Variants in LY6E observed in about 807,000 individuals in gnomAD.
LY6E encodes lymphocyte antigen 6 family member E.
LY6E carries 4 observed loss-of-function variants against 7.7 expected under a neutral mutation model. That is an observed-to-expected ratio of 0.52 (90% CI 0.25 to 1.18). The LOEUF (loss-of-function observed/expected upper bound fraction) is 1.18. Among genes scored for constraint, LY6E ranks in the 50% most tolerant of loss-of-function variants. LY6E has a pLI of 0.14. For synonymous variants in LY6E, 81 were observed against 80.1 expected, an observed-to-expected ratio of 1.01 and a Z score of -0.06; for missense variants, 156 against 168.0, an observed-to-expected ratio of 0.93 and a Z score of 0.40.
intron 1 of LY6E, 27 bp downstream of exon 1, chr8:143,018,613 C>G (rs1819128979): frequency 6.7e-6 from 1 of 149,536 alleles, no homozygotes; most frequent in Non-Finnish European, 1.5e-5. Flanking sequence ...CCGGCCGGGA[C>G]GCCCCCGCCA....
In LY6E at chr8:143,022,106, C is replaced by G. The variant is rs966372074; in HGVS notation, c.*317C>G. 2.0e-6 allele frequency: 1 copy of G among 488,252 alleles called. No homozygotes were observed. Among genetic ancestry groups the G allele is most frequent in the Non-Finnish European group, 3.6e-6 (1 of 274,978 alleles). 30.2% of individuals were successfully genotyped at this position (488,252 alleles called of 1,614,324 possible). On this transcript the variant is annotated 3_prime_UTR_variant, in exon 4 of 4. Transcript: ENST00000292494. ...ATGCTGACAGGGTCCCCAGGGAGAC[C>G]GTGTCAGTAGGGATGTGTGCCTGGC...
chr8:143,019,731 C>T (rs776232851), intron 1 of LY6E, among the ~76,000 whole-genome samples: 2 of 152,226 alleles, frequency 1.3e-5, no homozygotes, highest in African/African-American at 2.4e-5. Context: ...TTCTCTGAGG[C>T]ATCCTCCTTA....
intron 3 of LY6E, 59 bp from the exon 4 acceptor site, chr8:143,021,507 C>G: frequency 6.2e-7 from 1 of 1,612,546 alleles, no homozygotes; most frequent in African/African-American, 1.3e-5. Flanking sequence ...TCAGCAGAGG[C>G]CATTGCTGTC....
rs780149050 is a variant in LY6E, at chr8:143,021,665, G to C, written c.272G>C (p.Ser91Thr). ...VNVGVASMGI[S>T]CCQSFLCNFS... is the part of the protein sequence containing the mutation. Reference sequence around the variant, plus strand: ...GTTGGTGTGGCTTCCATGGGCATCAGCTGCTGCCAGAGCTTTCTGTGCAAT... The same window carrying C: ...GTTGGTGTGGCTTCCATGGGCATCACCTGCTGCCAGAGCTTTCTGTGCAAT... Residue 91 changes from serine to threonine, a missense_variant, in exon 4 of 4, where the codon AGC (serine) becomes ACC (threonine). By Grantham distance (58) the Ser-to-Thr change is moderately conservative. Coordinates refer to ENST00000292494, the MANE Select transcript of LY6E (RefSeq NM_002346.3). 35 of 1,613,704 alleles carry C rather than the reference G, an allele frequency of 2.2e-5. No homozygotes were observed. The East Asian group carries it at 7.8e-4, about 36-fold the overall frequency.
In LY6E at chr8:143,020,891, A is replaced by C; in HGVS notation, c.-49A>C. 1 of 1,575,806 alleles carries C rather than the reference A, an allele frequency of 6.3e-7. No homozygotes were observed. Among genetic ancestry groups the C allele is most frequent in the Non-Finnish European group, 8.7e-7 (1 of 1,147,172 alleles). On this transcript the variant is annotated 5_prime_UTR_variant, in exon 2 of 4. Coordinates refer to ENST00000292494, the MANE Select transcript of LY6E (RefSeq NM_002346.3). Reference sequence around the variant, plus strand: ...CCAGTGTGTCTCTCCAGAGCAGGACAGGCTGCTTTGGTTTGTGACCTCCAG... The same window carrying C: ...CCAGTGTGTCTCTCCAGAGCAGGACCGGCTGCTTTGGTTTGTGACCTCCAG...
chr8:143,021,869 C>T lies in LY6E; in HGVS notation c.*80C>T. 7.7e-7 allele frequency: 1 copy of T among 1,304,546 alleles called. No homozygotes were observed. Among genetic ancestry groups the T allele is most frequent in the Non-Finnish European group, 1.0e-6 (1 of 956,110 alleles). The allele number at this position is 1,304,546 out of a possible 1,614,324, so 80.8% of individuals were successfully genotyped here. A position where few individuals can be genotyped will look rare whatever the true frequency, so the allele number is the denominator to read the frequency against. On this transcript the variant is annotated 3_prime_UTR_variant, in exon 4 of 4. Transcript: ENST00000292494. ...TCTGGATCCCACAGTGTATGGGAGC[C>T]CCTGACTCCTCACGTGCCTGATCTG...
intron 1 of LY6E, among the ~76,000 whole-genome samples, chr8:143,019,701 C>T (rs1200747787): frequency 6.6e-6 from 1 of 152,208 alleles, no homozygotes; most frequent in African/African-American, 2.4e-5. Context: ...AGGGCCTCTG[C>T]GGGCCCCTCT....
rs151103204 is a variant in LY6E at position 143,021,712 on chromosome 8, C to G, written c.319C>G (p.Leu107Val). ...CAATTTCAGTGCGGCCGATGGCGGG[C>G]TGCGGGCAAGCGTCACCCTGCTGGG... is the stretch of plus-strand genomic sequence containing the variant. ...LCNFSAADGG[L>V]RASVTLLGAG... Residue 107 changes from leucine (L) to valine (V), a missense_variant, in exon 4 of 4, where the codon CTG becomes GTG. Transcript: ENST00000292494. The G allele has an allele frequency of 6.2e-6, 10 of 1,613,334 alleles. No individual in the cohort carries two copies. The African/African-American group carries it at 1.2e-4, about 19-fold the overall frequency.
rs530982606 is a variant in LY6E, at chr8:143,021,073, C to T, written c.52+82C>T. On this transcript the variant is annotated intron_variant, in intron 2 of 3. Coordinates refer to ENST00000292494, the MANE Select transcript of LY6E (RefSeq NM_002346.3). Reference sequence around the variant, plus strand: ...TCTCCACCCCTCTCCCCTGAGCAGACGCCCCAGGGGTCCTTCCAGGCCGCT... The same window carrying T: ...TCTCCACCCCTCTCCCCTGAGCAGATGCCCCAGGGGTCCTTCCAGGCCGCT... 8.7e-4 allele frequency: 1,316 copies of T among 1,507,196 alleles called. 6 individuals are homozygous for T. The highest frequency in any genetic ancestry group is 4.1e-3 in the South Asian group (348 of 85,386). 93.4% of individuals were successfully genotyped at this position (1,507,196 alleles called of 1,614,324 possible).
At chr8:143,021,078 C>A in intron 2 of LY6E, 87 bp downstream of exon 2, 1 of 1,464,090 alleles carries the variant, frequency 6.8e-7, no homozygotes, top group South Asian at 1.2e-5. Flanking sequence ...GCAGACGCCC[C>A]AGGGGTCCTT....
In LY6E at chr8:143,021,650, C is replaced by T. The variant is rs1295447832; in HGVS notation, c.257C>T (p.Ala86Val). 3 of 1,613,934 alleles carry T rather than the reference C, an allele frequency of 1.9e-6. No individual in the cohort carries two copies. Among genetic ancestry groups the T allele is most frequent in the Non-Finnish European group, 2.5e-6 (3 of 1,180,024 alleles). The change falls in exon 4 of 4, where the codon GCT (alanine) becomes GTT (valine). Residue 86 changes from alanine (A) to valine (V), a missense_variant. Transcript: ENST00000292494. ...PIPEGVNVGV[A>V]SMGISCCQSF... ...CCAGAAGGCGTCAATGTTGGTGTGGCTTCCATGGGCATCAGCTGCTGCCAG... is the reference window on the plus strand; with the variant it reads ...CCAGAAGGCGTCAATGTTGGTGTGGTTTCCATGGGCATCAGCTGCTGCCAG...
Position 143,021,977 on chromosome 8 carries a change from C to T in LY6E, c.*188C>T. The T allele has an allele frequency of 1.6e-6, 1 of 609,692 alleles. No homozygotes were observed. Among genetic ancestry groups the T allele is most frequent in the East Asian group, 2.8e-5 (1 of 36,120 alleles). The allele number at this position is 609,692 out of a possible 1,614,324, so 37.8% of individuals were successfully genotyped here. A position where few individuals can be genotyped will look rare whatever the true frequency, so the allele number is the denominator to read the frequency against. ...CTCTGCCCCAAGTGGGGCCAGCTGC[C>T]CTCACTTCTGGGGTGGATGATGTGA... On this transcript the variant is annotated 3_prime_UTR_variant, in exon 4 of 4. Coordinates refer to ENST00000292494, the MANE Select transcript of LY6E (RefSeq NM_002346.3).
intron 1 of LY6E, among the ~76,000 whole-genome samples, chr8:143,019,452 T>A (rs568077510): frequency 6.6e-6 from 1 of 152,320 alleles, no homozygotes; most frequent in South Asian, 2.1e-4. Flanking sequence ...CTGGACCTGT[T>A]TGTGGCCCTG....
At chr8:143,019,327 C>T (rs1298614358) in intron 1 of LY6E, among the ~76,000 whole-genome samples, 2 of 152,336 alleles carry the variant, frequency 1.3e-5, no homozygotes, top group East Asian at 1.9e-4. Flanking sequence ...TGGCTCCCTC[C>T]GGGCTCCATG....
chr8:143,020,014 C>T lies in LY6E; in HGVS notation c.-57-869C>T, dbSNP rs116070847. 3.7e-3 allele frequency among the ~76,000 whole-genome samples: 565 copies of T among 152,274 alleles called. 2 individuals are homozygous for T. The highest frequency in any genetic ancestry group is 0.012 in the African/African-American group (515 of 41,562). ...AGCCTTGTCTCTCGGAGCCCATTTCCCAGCCACAGAATGGGGAGTAGCAGA... is the reference window on the plus strand; with the variant it reads ...AGCCTTGTCTCTCGGAGCCCATTTCTCAGCCACAGAATGGGGAGTAGCAGA... On this transcript the variant is annotated intron_variant, in intron 1 of 3. Transcript: ENST00000292494.
At chr8:143,021,503 G>A (rs780250065) in intron 3 of LY6E, 63 bp from the exon 4 acceptor site, 13 of 1,613,070 alleles carry the variant, frequency 8.1e-6, no homozygotes, top group Non-Finnish European at 1.0e-5. Context: ...GGGCTCAGCA[G>A]AGGCCATTGC....
chr8:143,021,707 G>A lies in LY6E; in HGVS notation c.314G>A (p.Gly105Asp), dbSNP rs775184578. ...CTGTGCAATTTCAGTGCGGCCGATGGCGGGCTGCGGGCAAGCGTCACCCTG... is the reference window on the plus strand; with the variant it reads ...CTGTGCAATTTCAGTGCGGCCGATGACGGGCTGCGGGCAAGCGTCACCCTG... ...SFLCNFSAAD[G>D]GLRASVTLLG... Residue 105 changes from glycine (G) to aspartate (D), a missense_variant, in exon 4 of 4, where the codon GGC (glycine) becomes GAC (aspartate). Gly to Asp is a moderately conservative substitution (Grantham distance 94). Transcript: ENST00000292494. 1.2e-6 allele frequency: 2 copies of A among 1,613,452 alleles called. No homozygotes were observed. The highest frequency in any genetic ancestry group is 1.7e-6 in the Non-Finnish European group (2 of 1,180,028).
chr8:143,021,170 C>T lies in LY6E; in HGVS notation c.53-144C>T, dbSNP rs912207146. The T allele has an allele frequency of 1.1e-5, 14 of 1,285,814 alleles. No individual in the cohort carries two copies. In the East Asian group the frequency reaches 1.2e-4, roughly 11 times the overall value. The allele number at this position is 1,285,814 out of a possible 1,614,324, so 79.7% of individuals were successfully genotyped here. A position where few individuals can be genotyped will look rare whatever the true frequency, so the allele number is the denominator to read the frequency against. Reference sequence around the variant, plus strand: ...TTTGAGTGTCGCTTGACCTGCTCGACGGCCAGGGTGGGGTGTCACTGTCTT... The same window carrying T: ...TTTGAGTGTCGCTTGACCTGCTCGATGGCCAGGGTGGGGTGTCACTGTCTT... On this transcript the variant is annotated intron_variant, in intron 2 of 3. Coordinates refer to ENST00000292494, the MANE Select transcript of LY6E (RefSeq NM_002346.3).
rs1014171566 is a variant in LY6E at position 143,022,030 on chromosome 8, G to A, written c.*241G>A. The A allele has an allele frequency of 1.9e-5, 11 of 578,758 alleles. No homozygotes were observed. The highest frequency in any genetic ancestry group is 1.5e-4 in the African/African-American group (8 of 53,518). The allele number at this position is 578,758 out of a possible 1,614,324, so 35.9% of individuals were successfully genotyped here. ...TTCCTTGGGGGACCGCGGAAGGGAC[G>A]AGGGTTCCCTGGAGTCTTACGGTCC... On this transcript the variant is annotated 3_prime_UTR_variant, in exon 4 of 4. Transcript: ENST00000292494.
Sources: gnomAD v4.1 joint callset for allele counts (sites outside exome capture counted in the v4.1 genomes callset) on GRCh38, gnomAD v4.1.1 for gene constraint, MANE v1.5 for transcripts, NCBI Gene and HGNC (gene_info 2026-07-23, HGNC 2026-07-21) for gene names.